The following ACBD5 variants were observed in gnomAD, a reference collection of about 807,000 sequenced individuals.
The protein encoded by ACBD5 is acyl-CoA-binding domain-containing protein 5.
In ACBD5, 40 loss-of-function variants were observed where a neutral mutation model predicts 71.8. The ratio of observed to expected loss-of-function variants is 0.56; its 90% CI spans 0.43 to 0.72. The LOEUF (loss-of-function observed/expected upper bound fraction) is 0.72. Ranked by LOEUF, ACBD5 falls within the 30% of genes least tolerant of loss-of-function variation. ACBD5 has a pLI of 0.00. For missense variants in ACBD5, 559 were observed against 644.5 expected (o/e 0.87, Z 1.44); for synonymous variants, 229 against 218.6 (o/e 1.05, Z -0.42).
chr10:27,214,135 G>C (rs1031267934), intron 8 of ACBD5, among the ~76,000 whole-genome samples: 9 of 152,154 alleles, frequency 5.9e-5, no homozygotes, highest in African/African-American at 1.9e-4. Flanking sequence ...AACTCATGGA[G>C]ATAGAGATAC....
Position 27,223,322 on chromosome 10 carries a change from G to A in ACBD5, c.490+16C>T. ...ATATCAGTTGATGAATTTAAAAATA[G>A]GTAAAATAGTCCAACCTGAGGTTAT... On this transcript the variant is annotated intron_variant, in intron 5 of 12. Transcript: ENST00000396271. The A allele has an allele frequency of 6.4e-7, 1 of 1,562,452 alleles. No individual in the cohort carries two copies. The highest frequency in any genetic ancestry group is 8.8e-7 in the Non-Finnish European group (1 of 1,133,024).
intron 4 of ACBD5, among the ~76,000 whole-genome samples, chr10:27,223,810 T>C (rs2062669038): frequency 6.6e-6 from 1 of 151,982 alleles, no homozygotes; most frequent in South Asian, 2.1e-4. Context: ...CTCCAGAGGC[T>C]GAGGTGGGAG....
chr10:27,225,077 CTTTTTT>C (rs369118936), intron 4 of ACBD5, among the ~76,000 whole-genome samples: 2 of 136,470 alleles, frequency 1.5e-5, no homozygotes, highest in Admixed American at 7.5e-5. Context: ...CGCTCTCTTT[CTTTTTT>C]TTTTTTTTTG....
At chr10:27,190,343 A>G (rs2059028625), downstream of ACBD5, among the ~76,000 whole-genome samples, 1 of 152,146 alleles carries the variant, frequency 6.6e-6, no homozygotes, top group Non-Finnish European at 1.5e-5. Flanking sequence ...ACAAATCCAG[A>G]AATTATGTTT....
rs1424520662 is a variant in ACBD5 at position 27,240,644 on chromosome 10, C to T, written c.15+30G>A. ...CCGGGGCGTGACTAAGGCCACGAAT[C>T]CGGCCCGCGACGACAGCAAAACAAC... On this transcript the variant is annotated intron_variant, in intron 1 of 12. Transcript: ENST00000396271. The surrounding 1 kb of genome is among the most constrained non-coding windows in gnomAD (Gnocchi z 4.1). 4 of 1,551,116 alleles carry T rather than the reference C, an allele frequency of 2.6e-6. No homozygotes were observed. The Admixed American group carries it at 7.8e-5, about 30-fold the overall frequency.
chr10:27,214,208 T>C (rs1213319228), intron 8 of ACBD5, among the ~76,000 whole-genome samples: 1 of 152,160 alleles, frequency 6.6e-6, no homozygotes. Flanking sequence ...TACTTTGTTG[T>C]ACATTTTAGA....
At chr10:27,195,210 C>T, downstream of ACBD5, 2 of 383,892 alleles carry the variant, frequency 5.2e-6, no homozygotes, top group Non-Finnish European at 1.0e-5. Flanking sequence ...TAATAAAAGC[C>T]ATATCATTTC....
At chr10:27,204,299 A>G (rs909281867) in intron 12 of ACBD5, 141 bp downstream of exon 12, 7 of 672,022 alleles carry the variant, frequency 1.0e-5, no homozygotes, top group African/African-American at 8.9e-5. Context: ...AGGCAGTTTC[A>G]GTCTCAGGAT....
chr10:27,240,067 A>T lies in ACBD5; in HGVS notation c.181+252T>A, dbSNP rs1416540931. Among the ~76,000 whole-genome samples, 6 of 152,144 alleles carry T rather than the reference A, an allele frequency of 3.9e-5. No homozygotes were observed. In the South Asian group the frequency reaches 8.3e-4, roughly 21 times the overall value. ...CCGGCCCGGATTTATTTTTTAACAC[A>T]CCCAAATCCGCAGTCATTAAGTGAC... On this transcript the variant is annotated intron_variant, in intron 2 of 12. Coordinates refer to ENST00000396271, the MANE Select transcript of ACBD5 (RefSeq NM_145698.5). The surrounding 1 kb of genome is among the most constrained non-coding windows in gnomAD (Gnocchi z 4.1).
chr10:27,240,894 C>G (rs2065422581), upstream of ACBD5: 2 of 701,746 alleles, frequency 2.9e-6, no homozygotes. This position sits in a 1 kb window ranked among gnomAD's most constrained non-coding sequence, Gnocchi z 4.1. Context: ...ACCCCACCCA[C>G]CCGACCCGCC....
At position 27,240,504 on chromosome 10, in the gene ACBD5, C is replaced by T. The variant is rs767062296; in HGVS notation, c.16-20G>A. On this transcript the variant is annotated intron_variant, in intron 1 of 12. Coordinates refer to ENST00000396271, the MANE Select transcript of ACBD5 (RefSeq NM_145698.5). This position sits in a 1 kb window ranked among gnomAD's most constrained non-coding sequence, Gnocchi z 4.1. Reference sequence around the variant, plus strand: ...ATGAAACTGGAACATGGAGCGCAGCCGCGGATCAACATGCCCCAAAAGGAG... The same window carrying T: ...ATGAAACTGGAACATGGAGCGCAGCTGCGGATCAACATGCCCCAAAAGGAG... 1.1e-5 allele frequency: 17 copies of T among 1,585,534 alleles called. No individual in the cohort carries two copies. The highest frequency in any genetic ancestry group is 1.8e-5 in the Admixed American group (1 of 54,640).
At chr10:27,233,056 T>G (rs1249073426) in intron 3 of ACBD5, among the ~76,000 whole-genome samples, 1 of 152,188 alleles carries the variant, frequency 6.6e-6, no homozygotes, top group Non-Finnish European at 1.5e-5. Context: ...CTAAGAAATC[T>G]TAAAACAAGC....
chr10:27,228,921 C>T (rs2063502926), intron 4 of ACBD5, among the ~76,000 whole-genome samples: 2 of 146,276 alleles, frequency 1.4e-5, no homozygotes, highest in Admixed American at 6.9e-5. Flanking sequence ...CGGGTTCAAG[C>T]GATTTTCCTG....
rs2065350300 is a variant in ACBD5 at position 27,240,508 on chromosome 10, G to T, written c.16-24C>A. 2 of 1,581,706 alleles carry T rather than the reference G, an allele frequency of 1.3e-6. No homozygotes were observed. The highest frequency in any genetic ancestry group is 2.3e-5 in the South Asian group (2 of 88,162). On this transcript the variant is annotated intron_variant, in intron 1 of 12. Transcript: ENST00000396271. The surrounding 1 kb of genome is among the most constrained non-coding windows in gnomAD (Gnocchi z 4.1). ...AACTGGAACATGGAGCGCAGCCGCG[G>T]ATCAACATGCCCCAAAAGGAGGAGG...
chr10:27,192,162 A>G (rs1167927002), downstream of ACBD5, among the ~76,000 whole-genome samples: 1 of 152,146 alleles, frequency 6.6e-6, no homozygotes, highest in African/African-American at 2.4e-5. Context: ...TACCGCAGAA[A>G]TATGAAGAAT....
Position 27,199,796 on chromosome 10 carries a change from G to C in ACBD5, c.1566-2354C>G, listed in dbSNP as rs188868434. On this transcript the variant is annotated intron_variant, in intron 12 of 12. Transcript: ENST00000396271. ...TCTGGGCAGGCTGCTTAAGAAAACTGGTTAGACGAGACTATCCTGGCCGTC... is the reference window on the plus strand; with the variant it reads ...TCTGGGCAGGCTGCTTAAGAAAACTCGTTAGACGAGACTATCCTGGCCGTC... 2.0e-5 allele frequency among the ~76,000 whole-genome samples: 3 copies of C among 152,026 alleles called. No homozygotes were observed. The East Asian group carries it at 5.8e-4, about 29-fold the overall frequency.
chr10:27,191,666 C>T (rs1045584671), downstream of ACBD5, among the ~76,000 whole-genome samples: 4 of 152,132 alleles, frequency 2.6e-5, no homozygotes, highest in Non-Finnish European at 4.4e-5. Context: ...GGCAGGTCAC[C>T]TGAGGTCAGA....
At chr10:27,227,560 T>C (rs2063246064) in intron 4 of ACBD5, among the ~76,000 whole-genome samples, 1 of 152,100 alleles carries the variant, frequency 6.6e-6, no homozygotes, top group African/African-American at 2.4e-5. Flanking sequence ...CTGGCATTTG[T>C]TTTTTCCCTC....
intron 7 of ACBD5, among the ~76,000 whole-genome samples, chr10:27,216,550 A>G (rs377617157): frequency 9.2e-5 from 14 of 152,192 alleles, no homozygotes; most frequent in African/African-American, 2.7e-4. Context: ...TGCGGGGATT[A>G]CGGGCGTGAG....
Sources: gnomAD v4.1 joint callset for allele counts (sites outside exome capture counted in the v4.1 genomes callset) on GRCh38, gnomAD v4.1.1 for gene constraint, Gnocchi (gnomAD v3.1) non-coding constraint, MANE v1.5 for transcripts, NCBI Gene and HGNC (gene_info 2026-07-23, HGNC 2026-07-21) for gene names.